Variants in BBS4 observed in about 807,000 individuals in gnomAD.
BBS4 encodes the protein BBSome complex member BBS4.
A neutral mutation model predicts 71.4 loss-of-function variants in BBS4; 58 were observed. That is an observed-to-expected ratio of 0.81 (90% confidence interval 0.66 to 1.01). The LOEUF is 1.01. Ranked by LOEUF, BBS4 falls within the 50% of genes least tolerant of loss-of-function variation. The pLI, the probability that BBS4 is intolerant of heterozygous loss-of-function variation, is 0.00. For missense variants in BBS4, 660 were observed against 607.9 expected (o/e 1.09, Z -0.90); for synonymous variants, 228 against 216.8 (o/e 1.05, Z -0.46).
chr15:72,706,071 G>T (rs1181183609), intron 2 of BBS4, among the ~76,000 whole-genome samples: 1 of 152,056 alleles, frequency 6.6e-6, no homozygotes, highest in East Asian at 1.9e-4. Flanking sequence ...GGTGACAGAG[G>T]ACTGGGTCAT....
chr15:72,695,174 C>T lies in BBS4; in HGVS notation c.25-3C>T. 1 of 1,604,020 alleles carries T rather than the reference C, an allele frequency of 6.2e-7. No individual in the cohort carries two copies. Among genetic ancestry groups the T allele is most frequent in the Non-Finnish European group, 8.5e-7 (1 of 1,171,536 alleles). On this transcript the variant is annotated splice_region_variant and splice_polypyrimidine_tract_variant and intron_variant, in intron 1 of 15. Coordinates refer to ENST00000268057, the MANE Select transcript of BBS4 (RefSeq NM_033028.5). ...TCAATATAGACTACTTATTTCATTTCAGAGAACTCAATTTCCTGTATCTAC... is the reference window on the plus strand; with the variant it reads ...TCAATATAGACTACTTATTTCATTTTAGAGAACTCAATTTCCTGTATCTAC...
chr15:72,728,528 G>A (rs114759106), intron 9 of BBS4, among the ~76,000 whole-genome samples: 1 of 151,978 alleles, frequency 6.6e-6, no homozygotes, highest in Non-Finnish European at 1.5e-5. Flanking sequence ...ATGCTATCCA[G>A]GAAAGAGCAT....
chr15:72,726,421 T>G (rs2065703585), intron 8 of BBS4, among the ~76,000 whole-genome samples: 1 of 69,282 alleles, frequency 1.4e-5, no homozygotes, highest in Non-Finnish European at 3.9e-5. Context: ...CTTGTGTTGT[T>G]ACTTTTAAAT....
At chr15:72,725,599 A>AAAAAC (rs201495007) in intron 8 of BBS4, among the ~76,000 whole-genome samples, 96 of 152,240 alleles carry the variant, frequency 6.3e-4, no homozygotes, top group Non-Finnish European at 9.7e-4. Context: ...TGATTCAGTA[A>AAAAAC]AAAACAAAAC....
At chr15:72,686,597 T>C (rs1278463912) in intron 1 of BBS4, 3 of 1,366,272 alleles carry the variant, frequency 2.2e-6, no homozygotes, top group Non-Finnish European at 2.9e-6. Flanking sequence ...ACAGTTCCTG[T>C]TAATCCCGTG....
intron 6 of BBS4, 137 bp downstream of exon 6, chr15:72,716,987 A>G (rs911785836): frequency 5.6e-5 from 40 of 714,852 alleles, no homozygotes; most frequent in African/African-American, 5.4e-4. Context: ...CATGATTTGT[A>G]TAAGTATAGG....
Position 72,737,768 on chromosome 15 carries a change from C to T in BBS4, c.*181C>T, listed in dbSNP as rs1440649501. ...CCTACCTGGTATTGGCATTTGAGGT[C>T]GGAAACCCTCTACTGCCCCATAAGC... On this transcript the variant is annotated 3_prime_UTR_variant, in exon 16 of 16. Transcript: ENST00000268057. 2.8e-5 allele frequency: 18 copies of T among 637,820 alleles called. No individual in the cohort carries two copies. The highest frequency in any genetic ancestry group is 3.6e-5 in the African/African-American group (2 of 55,548). The allele number at this position is 637,820 out of a possible 1,614,324, so 39.5% of individuals were successfully genotyped here.
At chr15:72,687,167 G>A (rs1183006333) in intron 1 of BBS4, among the ~76,000 whole-genome samples, 1 of 113,292 alleles carries the variant, frequency 8.8e-6, no homozygotes, top group Non-Finnish European at 1.7e-5. Context: ...GGCCCGGGCT[G>A]GAGTGCAATG....
chr15:72,732,628 C>G (rs754198853), intron 12 of BBS4, among the ~76,000 whole-genome samples: 6 of 151,516 alleles, frequency 4.0e-5, no homozygotes, highest in Non-Finnish European at 8.8e-5. Flanking sequence ...ACAAAGATAA[C>G]TTTAAAAAAA....
intron 15 of BBS4, chr15:72,737,171 CTTAG>C: frequency 1.5e-6 from 1 of 656,064 alleles, no homozygotes; most frequent in Admixed American, 2.4e-5. Context: ...TACTCACAGA[CTTAG>C]TTGGATGGTC....
chr15:72,694,075 G>A (rs1399823289), intron 1 of BBS4, among the ~76,000 whole-genome samples: 1 of 151,750 alleles, frequency 6.6e-6, no homozygotes, highest in Non-Finnish European at 1.5e-5. Context: ...AGTAGAGATG[G>A]GGCTTCACCA....
At chr15:72,700,350 T>G (rs2065148747) in intron 2 of BBS4, among the ~76,000 whole-genome samples, 1 of 152,218 alleles carries the variant, frequency 6.6e-6, no homozygotes. Context: ...TTGTTTTAAC[T>G]TTATAATAAA....
At chr15:72,724,428 T>C in intron 7 of BBS4, 100 bp from the exon 8 acceptor site, 1 of 1,543,564 alleles carries the variant, frequency 6.5e-7, no homozygotes, top group Non-Finnish European at 8.9e-7. Context: ...GTGATGTTCC[T>C]ATGTCAATAC....
chr15:72,735,971 G>A lies in BBS4; in HGVS notation c.1248+5G>A, dbSNP rs756449572. 19 of 1,614,078 alleles carry A rather than the reference G, an allele frequency of 1.2e-5. No individual in the cohort carries two copies. The highest frequency in any genetic ancestry group is 1.7e-5 in the Admixed American group (1 of 60,020). On this transcript the variant is annotated splice_donor_5th_base_variant and intron_variant, in intron 14 of 15. Coordinates refer to ENST00000268057, the MANE Select transcript of BBS4 (RefSeq NM_033028.5). Reference sequence around the variant, plus strand: ...TCTCTGGAATTTGACTCTGAGGTATGTCTTTTATTAGCTCCCAAGAGTCAT... The same window carrying A: ...TCTCTGGAATTTGACTCTGAGGTATATCTTTTATTAGCTCCCAAGAGTCAT...
At chr15:72,690,206 A>T (rs747742290) in intron 1 of BBS4, among the ~76,000 whole-genome samples, 13 of 152,208 alleles carry the variant, frequency 8.5e-5, no homozygotes, top group Non-Finnish European at 1.8e-4. Flanking sequence ...AAGAGCAGAA[A>T]ACAGAAATTA....
chr15:72,736,622 T>C, intron 14 of BBS4, 140 bp from the exon 15 acceptor site: 1 of 794,758 alleles, frequency 1.3e-6, no homozygotes, highest in South Asian at 1.5e-5. Context: ...CTCTACTGTT[T>C]GATAAGTACT....
intron 8 of BBS4, among the ~76,000 whole-genome samples, chr15:72,727,087 C>T (rs1199475344): frequency 1.3e-5 from 2 of 152,152 alleles, no homozygotes; most frequent in African/African-American, 2.4e-5. Context: ...AAGTGAAAGG[C>T]GGATTCCCAG....
intron 1 of BBS4, among the ~76,000 whole-genome samples, chr15:72,691,372 T>C (rs1044563400): frequency 3.3e-5 from 5 of 152,150 alleles, no homozygotes; most frequent in African/African-American, 1.2e-4. Context: ...CTGCCCAGGT[T>C]AGGAAATGGG....
At chr15:72,728,021 G>A (rs1280270698) in intron 9 of BBS4, 27 bp downstream of exon 9, 5 of 1,554,982 alleles carry the variant, frequency 3.2e-6, no homozygotes, top group Non-Finnish European at 4.4e-6. Context: ...ACTCATTCAT[G>A]CACTGATGTT....
Sources: gnomAD v4.1 joint callset for allele counts (sites outside exome capture counted in the v4.1 genomes callset) on GRCh38, gnomAD v4.1.1 for gene constraint, MANE v1.5 for transcripts, NCBI Gene and HGNC (gene_info 2026-07-23, HGNC 2026-07-21) for gene names.